SH3D19: variants seen among roughly 807,000 people sequenced by gnomAD.
The protein encoded by SH3D19 is SH3 domain-containing protein 19.
Under a neutral mutation model 112.1 loss-of-function variants are expected in SH3D19, and 58 were observed. That is an observed-to-expected ratio of 0.52 (90% CI 0.42 to 0.64). The LOEUF (loss-of-function observed/expected upper bound fraction) is 0.64. Ranked by LOEUF, SH3D19 falls within the 30% of genes least tolerant of loss-of-function variation. The probability of loss-of-function intolerance (pLI) is 0.00; values close to 1 mark genes in which losing one functional copy is unlikely to be tolerated. For missense variants in SH3D19, 1,090 were observed against 1,263.4 expected (o/e 0.86, Z 2.08); for synonymous variants, 391 against 448.5 (o/e 0.87, Z 1.62).
At chr4:151,217,332 A>G (rs2149925566) in intron 2 of SH3D19, among the ~76,000 whole-genome samples, 1 of 152,334 alleles carries the variant, frequency 6.6e-6, no homozygotes, top group South Asian at 2.1e-4. Context: ...ACATCTTCAT[A>G]AAATCAACAA....
chr4:151,174,159 G>T (rs72723739), intron 7 of SH3D19, among the ~76,000 whole-genome samples: 401 of 152,302 alleles, frequency 2.6e-3, no homozygotes, highest in Non-Finnish European at 3.9e-3. Flanking sequence ...CTCCCCTGGA[G>T]CTGGCCCCTC....
intron 1 of SH3D19, among the ~76,000 whole-genome samples, chr4:151,250,467 A>G (rs1280911640): frequency 4.6e-5 from 7 of 151,924 alleles, no homozygotes; most frequent in Non-Finnish European, 7.4e-5. Context: ...AGACATGTGT[A>G]TATGGACCCC....
Position 151,136,034 on chromosome 4 carries a change from A to AACAAC in SH3D19, c.2428-903_2428-902insGTTGT, listed in dbSNP as rs533261035. ...AACAAAACAAAACAAAACAAAACAA[A>AACAAC]AACAACTTGTGGATTCTCTTCACAT... On this transcript the variant is annotated intron_variant, in intron 14 of 19. Transcript: ENST00000604030. 1.9e-3 allele frequency among the ~76,000 whole-genome samples: 293 copies of AACAAC among 152,190 alleles called. 1 individual carries two copies. Among genetic ancestry groups the AACAAC allele is most frequent in the African/African-American group, 6.5e-3 (269 of 41,476 alleles).
chr4:151,132,337 G>C lies in SH3D19; in HGVS notation c.2736C>G (p.Asn912Lys). Residue 912 changes from asparagine (N) to lysine (K), a missense_variant, in exon 17 of 20, where the codon AAC becomes AAG. Asn to Lys is a moderately conservative substitution (Grantham distance 94). Transcript: ENST00000604030. ...LKTKKEDSGSNSQVNSLPAEW... is the reference protein window; with the variant it reads ...LKTKKEDSGSKSQVNSLPAEW... ...ATCTGTTCAAGCAGCCTACCTGAGA[G>C]TTTGAGCCAGAATCTTCTTTTTTGG... 1 of 1,614,042 alleles carries C rather than the reference G, an allele frequency of 6.2e-7. No individual in the cohort carries two copies. The highest frequency in any genetic ancestry group is 8.5e-7 in the Non-Finnish European group (1 of 1,179,956).
intron 1 of SH3D19, among the ~76,000 whole-genome samples, chr4:151,310,210 C>CAA (rs1207145608): frequency 0.025 from 2,549 of 100,158 alleles, 108 homozygotes; most frequent in African/African-American, 0.072. Context: ...TCTGTCTTTA[C>CAA]AAAAAAAAAA....
chr4:151,309,002 G>C (rs1729181947), intron 1 of SH3D19, among the ~76,000 whole-genome samples: 1 of 151,994 alleles, frequency 6.6e-6, no homozygotes, highest in South Asian at 2.1e-4. Flanking sequence ...CCGAGTAGCT[G>C]GGATTACAGG....
At chr4:151,148,981 T>C (rs937774134) in intron 10 of SH3D19, among the ~76,000 whole-genome samples, 2 of 152,042 alleles carry the variant, frequency 1.3e-5, no homozygotes, top group African/African-American at 4.8e-5. Flanking sequence ...GAGGTTGCAG[T>C]GAGCTGAGAT....
intron 9 of SH3D19, among the ~76,000 whole-genome samples, chr4:151,151,127 A>C (rs1294526211): frequency 1.3e-5 from 2 of 151,626 alleles, no homozygotes; most frequent in African/African-American, 4.8e-5. Flanking sequence ...CACCTGGCTA[A>C]TTTTCGTATT....
chr4:151,267,089 T>C (rs1580359608), intron 1 of SH3D19, among the ~76,000 whole-genome samples: 1 of 144,438 alleles, frequency 6.9e-6, no homozygotes, highest in Admixed American at 7.1e-5. Context: ...GAGGCCGAGG[T>C]GGAAGGATGA....
intron 2 of SH3D19, among the ~76,000 whole-genome samples, chr4:151,203,342 T>A (rs1481653031): frequency 6.6e-6 from 1 of 152,232 alleles, no homozygotes; most frequent in African/African-American, 2.4e-5. Flanking sequence ...AGATCACCAA[T>A]GCACAGAACC....
intron 2 of SH3D19, among the ~76,000 whole-genome samples, chr4:151,197,380 G>A (rs530232321): frequency 2.0e-5 from 3 of 152,210 alleles, no homozygotes; most frequent in African/African-American, 4.8e-5. Context: ...CTTTGAATTC[G>A]TCAGAAGGGA....
At chr4:151,179,958 A>G (rs1330522816) in intron 3 of SH3D19, among the ~76,000 whole-genome samples, 10 of 152,162 alleles carry the variant, frequency 6.6e-5, no homozygotes, top group Non-Finnish European at 1.5e-5. Context: ...TCAGGGCTCA[A>G]TGCAGCCTCA....
chr4:151,186,334 T>C (rs145876179), intron 3 of SH3D19, among the ~76,000 whole-genome samples: 1,638 of 152,360 alleles, frequency 0.011, 27 homozygotes, highest in African/African-American at 0.036. Flanking sequence ...CTTGATATGG[T>C]AGTATAAGCC....
At chr4:151,234,454 G>A (rs1769850972) in intron 1 of SH3D19, among the ~76,000 whole-genome samples, 1 of 152,160 alleles carries the variant, frequency 6.6e-6, no homozygotes, top group Non-Finnish European at 1.5e-5. Context: ...TGGGTCCTGG[G>A]AAGTAAGGCA....
chr4:151,144,036 A>T lies in SH3D19; in HGVS notation c.2097T>A (p.Leu699=), dbSNP rs1322329419. 1 of 1,613,996 alleles carries T rather than the reference A, an allele frequency of 6.2e-7. No individual in the cohort carries two copies. Residue 699 remains leucine, a synonymous_variant, in exon 12 of 20, where the codon CTT becomes CTA. Coordinates refer to ENST00000604030, the MANE Select transcript of SH3D19 (RefSeq NM_001378122.1). The part of the protein sequence containing the change: ...LYSKYMRGDV[L]VMLKQTENNY... ...TATTTTCCGTCTGCTTCAGCATCAC[A>T]AGTACATCCCCACGCTGCAAGGTAC...
intron 1 of SH3D19, among the ~76,000 whole-genome samples, chr4:151,250,557 T>G (rs1370501265): frequency 6.6e-6 from 1 of 151,938 alleles, no homozygotes; most frequent in Non-Finnish European, 1.5e-5. Flanking sequence ...AAACAACCCA[T>G]CAGGTGCTAG....
At chr4:151,127,092 T>C (rs1579620083) in intron 19 of SH3D19, among the ~76,000 whole-genome samples, 1 of 152,076 alleles carries the variant, frequency 6.6e-6, no homozygotes, top group East Asian at 2.0e-4. Context: ...TTGTATTTTT[T>C]AGTAGAGACG....
At chr4:151,325,057 G>A (rs1029508621) in intron 1 of SH3D19, among the ~76,000 whole-genome samples, 184 bp downstream of exon 1, 10 of 152,324 alleles carry the variant, frequency 6.6e-5, no homozygotes, top group African/African-American at 2.4e-4. Flanking sequence ...GAATTTCCTC[G>A]GGCTCGGCCG....
chr4:151,212,033 T>C (rs1237012370), intron 2 of SH3D19, among the ~76,000 whole-genome samples: 1 of 152,238 alleles, frequency 6.6e-6, no homozygotes, highest in Non-Finnish European at 1.5e-5. Flanking sequence ...ATCTAGGACT[T>C]TCCTAGCTAG....
Sources: gnomAD v4.1 joint callset for allele counts (sites outside exome capture counted in the v4.1 genomes callset) on GRCh38, gnomAD v4.1.1 for gene constraint, MANE v1.5 for transcripts, NCBI Gene and HGNC (gene_info 2026-07-23, HGNC 2026-07-21) for gene names.